SOX6: variants seen among roughly 807,000 people sequenced by gnomAD.
SOX6 encodes SRY-box transcription factor 6.
Under a neutral mutation model 97.8 loss-of-function variants are expected in SOX6, and 11 were observed. The ratio of observed to expected loss-of-function variants is 0.11; its 90% CI spans 0.07 to 0.19. SOX6 has a LOEUF of 0.19. Among genes scored for constraint, SOX6 ranks in the 10% least tolerant of loss-of-function variants. The probability of loss-of-function intolerance (pLI) is 1.00; values close to 1 mark genes in which losing one functional copy is unlikely to be tolerated. For missense variants in SOX6, 810 were observed against 1,039.5 expected (o/e 0.78, Z 3.04); for synonymous variants, 360 against 371.4 (o/e 0.97, Z 0.35).
At chr11:16,086,124 T>C (rs1205394621) in intron 9 of SOX6, among the ~76,000 whole-genome samples, 3 of 152,240 alleles carry the variant, frequency 2.0e-5, no homozygotes, top group East Asian at 1.9e-4. Flanking sequence ...TGAAACAATA[T>C]GTTTCTATAC....
At chr11:16,137,723 G>GA (rs1257085040) in intron 6 of SOX6, among the ~76,000 whole-genome samples, 3 of 152,162 alleles carry the variant, frequency 2.0e-5, no homozygotes, top group Non-Finnish European at 2.9e-5. Flanking sequence ...ATCTCATCCT[G>GA]AATTGTAGTT....
At chr11:16,326,477 CA>C (rs2134316150) in intron 2 of SOX6, among the ~76,000 whole-genome samples, 1 of 151,956 alleles carries the variant, frequency 6.6e-6, no homozygotes, top group African/African-American at 2.4e-5. Context: ...ACACCAAATC[CA>C]ATGTTTTTTC....
chr11:16,078,983 G>T (rs1354152874), intron 9 of SOX6, among the ~76,000 whole-genome samples: 3 of 152,176 alleles, frequency 2.0e-5, no homozygotes, highest in Non-Finnish European at 4.4e-5. Flanking sequence ...GCCAGATCAT[G>T]TAGGTCTTAT....
chr11:16,168,812 T>A (rs1850954514), intron 6 of SOX6, among the ~76,000 whole-genome samples: 1 of 152,180 alleles, frequency 6.6e-6, no homozygotes, highest in African/African-American at 2.4e-5. Context: ...TTGCTACAAC[T>A]GCTAATAGCA....
At chr11:16,126,650 A>C (rs1357177743) in intron 6 of SOX6, among the ~76,000 whole-genome samples, 1 of 152,136 alleles carries the variant, frequency 6.6e-6, no homozygotes, top group Non-Finnish European at 1.5e-5. Context: ...GACAAAGCAG[A>C]CTGTCTAGCT....
At chr11:16,161,762 T>G (rs946920830) in intron 6 of SOX6, among the ~76,000 whole-genome samples, 3 of 152,316 alleles carry the variant, frequency 2.0e-5, no homozygotes, top group South Asian at 2.1e-4. Context: ...ATGGTAGTAC[T>G]TACTGAAAAA....
At position 16,543,479 on chromosome 11, in the gene SOX6, T is replaced by C. The variant is rs1197372266; in HGVS notation, n.610-67091A>G. Among the ~76,000 whole-genome samples, 4 of 152,124 alleles carry C rather than the reference T, an allele frequency of 2.6e-5. No individual in the cohort carries two copies. In the East Asian group the frequency reaches 7.7e-4, roughly 29 times the overall value. ...CCCAGTGATGACATGAAAAATTTTG[T>C]GTATCAAAGAACACTATCAAGAAAG... On this transcript the variant is annotated intron_variant and non_coding_transcript_variant, in intron 4 of 5. Transcript: ENST00000524520.
chr11:16,672,701 G>A (rs1024542166), intron 3 of SOX6, among the ~76,000 whole-genome samples: 1 of 152,164 alleles, frequency 6.6e-6, no homozygotes, highest in Non-Finnish European at 1.5e-5. Context: ...TACAATTCAA[G>A]ATGAGATTTG....
chr11:16,651,345 C>G (rs986870295), intron 3 of SOX6, among the ~76,000 whole-genome samples: 2 of 152,080 alleles, frequency 1.3e-5, no homozygotes, highest in Admixed American at 1.3e-4. Context: ...AGACTGATAT[C>G]CTTGATGAAC....
chr11:16,616,924 C>A (rs1848478125), intron 3 of SOX6, among the ~76,000 whole-genome samples: 2 of 151,764 alleles, frequency 1.3e-5, no homozygotes, highest in African/African-American at 2.4e-5. Flanking sequence ...TAAATCAGTT[C>A]TAAAAGAAGA....
At chr11:16,172,538 A>C (rs1851066775) in intron 6 of SOX6, among the ~76,000 whole-genome samples, 1 of 152,028 alleles carries the variant, frequency 6.6e-6, no homozygotes, top group Non-Finnish European at 1.5e-5. Context: ...ATCATTCCAG[A>C]CCCTTCAATG....
intron 2 of SOX6, among the ~76,000 whole-genome samples, chr11:16,337,621 G>A (rs1315856823): frequency 1.3e-5 from 2 of 152,120 alleles, no homozygotes; most frequent in African/African-American, 4.8e-5. Context: ...GGTAGCAGTT[G>A]TGGATAGAGG....
intron 13 of SOX6, 39 bp from the exon 14 acceptor site, chr11:15,989,269 G>A (rs745646782): frequency 2.0e-6 from 3 of 1,523,966 alleles, no homozygotes; most frequent in South Asian, 2.5e-5. Flanking sequence ...TGAGTGGAAA[G>A]CGTTATTTTG....
chr11:16,679,170 G>T (rs2134028642), intron 3 of SOX6, among the ~76,000 whole-genome samples: 1 of 152,348 alleles, frequency 6.6e-6, no homozygotes, highest in Non-Finnish European at 1.5e-5. Context: ...GTGGGTCCCT[G>T]ACCCCTGTGT....
chr11:16,336,181 T>TA (rs1263679744), intron 2 of SOX6, among the ~76,000 whole-genome samples: 2 of 152,178 alleles, frequency 1.3e-5, no homozygotes, highest in Non-Finnish European at 2.9e-5. Context: ...AGTTCCCACT[T>TA]ACAATCATCA....
At position 16,250,696 on chromosome 11, in the gene SOX6, C is replaced by A. The variant is rs182985900; in HGVS notation, c.446-16025G>T. 3.9e-3 allele frequency among the ~76,000 whole-genome samples: 592 copies of A among 151,818 alleles called. 2 individuals carry two copies. Among genetic ancestry groups the A allele is most frequent in the Middle Eastern group, 7.6e-3 (2 of 264 alleles). On this transcript the variant is annotated intron_variant, in intron 3 of 15. Transcript: ENST00000683767. ...ATTACATAAAACCAATAACATAAAC[C>A]AAAGCTGACAAAGAAAAATAAGATA...
intron 4 of SOX6, among the ~76,000 whole-genome samples, chr11:16,557,552 C>A (rs998900308): frequency 6.6e-6 from 1 of 151,806 alleles, no homozygotes; most frequent in South Asian, 2.1e-4. Flanking sequence ...GAGAGTTAAT[C>A]TAAACATAAA....
chr11:16,127,850 C>T (rs745879033), intron 6 of SOX6, among the ~76,000 whole-genome samples: 11 of 152,130 alleles, frequency 7.2e-5, no homozygotes, highest in South Asian at 2.1e-4. Context: ...ATGTCTAGAC[C>T]CCACATCATT....
intron 3 of SOX6, among the ~76,000 whole-genome samples, chr11:16,276,464 T>C (rs1175732168): frequency 2.0e-5 from 3 of 152,186 alleles, no homozygotes; most frequent in African/African-American, 7.2e-5. Flanking sequence ...GACCTAGTTC[T>C]AGATAATGAG....
Sources: gnomAD v4.1 joint callset for allele counts (sites outside exome capture counted in the v4.1 genomes callset) on GRCh38, gnomAD v4.1.1 for gene constraint, MANE v1.5 for transcripts, NCBI Gene and HGNC (gene_info 2026-07-23, HGNC 2026-07-21) for gene names.